Variants in TMC7 observed in about 807,000 individuals in gnomAD.
The protein encoded by TMC7 is transmembrane channel like 7.
A neutral mutation model predicts 82.9 loss-of-function variants in TMC7; 54 were observed. The ratio of observed to expected loss-of-function variants is 0.65; its 90% CI spans 0.52 to 0.82. The LOEUF (loss-of-function observed/expected upper bound fraction) is 0.82. TMC7 is among the 40% of genes least tolerant of loss of function. TMC7 has a pLI of 0.00. For missense variants in TMC7, 820 were observed against 901.2 expected (o/e 0.91, Z 1.15); for synonymous variants, 350 against 337.9 (o/e 1.04, Z -0.39).
At chr16:19,043,366 G>T (rs1455935391) in intron 9 of TMC7, among the ~76,000 whole-genome samples, 1 of 152,092 alleles carries the variant, frequency 6.6e-6, no homozygotes, top group Non-Finnish European at 1.5e-5. Context: ...GAATTAGGAG[G>T]TCCCAGCTTT....
rs185562494 is a variant in TMC7 at position 19,058,984 on chromosome 16, T to A, written c.2028-432T>A. ...CCTTTGCCTCTTGGGTTCAAGGGAT[T>A]CTCCTGTCTCAGCCTCCTGAGTAGC... On this transcript the variant is annotated intron_variant, in intron 14 of 15. Transcript: ENST00000304381. Among the ~76,000 whole-genome samples, 526 of 152,290 alleles carry A rather than the reference T, an allele frequency of 3.5e-3. 1 individual carries two copies. The highest frequency in any genetic ancestry group is 5.1e-3 in the Non-Finnish European group (350 of 68,010).
intron 9 of TMC7, 62 bp downstream of exon 9, chr16:19,040,508 C>T (rs570742136): frequency 1.3e-4 from 188 of 1,470,922 alleles, no homozygotes; most frequent in Non-Finnish European, 1.6e-4. Flanking sequence ...CACTCTCTTG[C>T]CCATGGCAGA....
intron 5 of TMC7, among the ~76,000 whole-genome samples, chr16:19,026,586 GT>G (rs1232462947): frequency 2.0e-5 from 3 of 151,800 alleles, no homozygotes; most frequent in Non-Finnish European, 4.4e-5. Context: ...AAAAAAAAAA[GT>G]TTCTTCGCAC....
At position 19,059,829 on chromosome 16, in the gene TMC7, T is replaced by G. The variant is rs113394506; in HGVS notation, c.2106+335T>G. 7.9e-3 allele frequency: 5,161 copies of G among 652,120 alleles called. 41 individuals are homozygous for G. Among genetic ancestry groups the G allele is most frequent in the Middle Eastern group, 0.032 (70 of 2,174 alleles). The allele number at this position is 652,120 out of a possible 1,614,324, so 40.4% of individuals were successfully genotyped here. ...CCGTCTCTACTAAAAATACAAAAAGTAGTTGGGCGTGGTGGTGGGCACCTG... is the reference window on the plus strand; with the variant it reads ...CCGTCTCTACTAAAAATACAAAAAGGAGTTGGGCGTGGTGGTGGGCACCTG... On this transcript the variant is annotated intron_variant, in intron 15 of 15. Transcript: ENST00000304381.
At chr16:19,059,923 G>A in intron 15 of TMC7, 1 of 420,830 alleles carries the variant, frequency 2.4e-6, no homozygotes, top group Non-Finnish European at 4.5e-6. Context: ...GTCGCAGTGA[G>A]CTGAGATTGC....
chr16:19,028,129 C>G (rs1055895236), intron 5 of TMC7, among the ~76,000 whole-genome samples: 4 of 152,108 alleles, frequency 2.6e-5, no homozygotes, highest in South Asian at 2.1e-4. Context: ...TAGGGAACCT[C>G]TATGTATTAT....
chr16:19,016,437 G>A lies in TMC7; in HGVS notation c.312-13G>A, dbSNP rs1273124500. On this transcript the variant is annotated splice_polypyrimidine_tract_variant and intron_variant, in intron 2 of 15. Coordinates refer to ENST00000304381, the MANE Select transcript of TMC7 (RefSeq NM_024847.4). ...CTGTTGTTGTCATTGTCATGATCAT[G>A]TTTTCCATGCAGGGACATTCAAGAG... 1.2e-6 allele frequency: 2 copies of A among 1,613,766 alleles called. No homozygotes were observed. The highest frequency in any genetic ancestry group is 1.1e-5 in the South Asian group (1 of 91,084).
At chr16:19,024,395 T>G (rs1214297789) in intron 5 of TMC7, among the ~76,000 whole-genome samples, 1 of 152,190 alleles carries the variant, frequency 6.6e-6, no homozygotes, top group Non-Finnish European at 1.5e-5. Flanking sequence ...CACTTCAGCC[T>G]GGGCAACAGA....
intron 1 of TMC7, among the ~76,000 whole-genome samples, chr16:18,998,526 G>A (rs1413192365): frequency 2.6e-5 from 4 of 151,912 alleles, no homozygotes; most frequent in Non-Finnish European, 5.9e-5. Context: ...AGGCTGAGGC[G>A]GGTGGATCAC....
At chr16:18,984,761 C>T (rs781381215) in intron 1 of TMC7, among the ~76,000 whole-genome samples, 16 of 152,124 alleles carry the variant, frequency 1.1e-4, no homozygotes, top group Non-Finnish European at 1.9e-4. Flanking sequence ...GGTAGAATTA[C>T]AGTAAAGTAT....
chr16:19,058,008 A>T (rs904814520), intron 14 of TMC7, among the ~76,000 whole-genome samples: 11 of 151,384 alleles, frequency 7.3e-5, no homozygotes, highest in Admixed American at 1.3e-4. Flanking sequence ...CTTGAGCTTA[A>T]GTGGTCCTCC....
chr16:19,051,659 A>C (rs1226677884), intron 12 of TMC7, 27 bp from the exon 13 acceptor site: 1 of 1,611,306 alleles, frequency 6.2e-7, no homozygotes, highest in African/African-American at 1.3e-5. Context: ...TATTGATCTT[A>C]ATTTTTCTTT....
intron 3 of TMC7, among the ~76,000 whole-genome samples, chr16:19,020,964 T>C (rs1188022091): frequency 6.6e-6 from 1 of 152,098 alleles, no homozygotes; most frequent in Non-Finnish European, 1.5e-5. Flanking sequence ...AATAGTATTA[T>C]TGAGAAAAAC....
intron 2 of TMC7, among the ~76,000 whole-genome samples, chr16:19,011,575 G>C (rs1270284197): frequency 1.3e-5 from 2 of 151,256 alleles, no homozygotes. Context: ...AAATTAGCTG[G>C]GTGTGGTGAT....
chr16:19,011,262 C>T (rs147362366), intron 2 of TMC7, among the ~76,000 whole-genome samples: 94 of 152,196 alleles, frequency 6.2e-4, no homozygotes, highest in African/African-American at 2.3e-3. Context: ...TGCCATCTCC[C>T]CCATTCTTGA....
chr16:19,035,418 C>G (rs537052682), intron 6 of TMC7, among the ~76,000 whole-genome samples: 5 of 152,226 alleles, frequency 3.3e-5, no homozygotes, highest in African/African-American at 1.2e-4. Context: ...ACTCCTGAAT[C>G]TAAAATAAAA....
At position 19,021,764 on chromosome 16, in the gene TMC7, GC is replaced by G. The variant is rs1959987715; in HGVS notation, c.597del (p.Ser199ArgfsTer20). ...VLLTKYKITN[S>X]SFVLIPFKDM... ...CTCACGAAATACAAGATCACCAACA[GC>G]AGCTTCGTGCTCATTCCTTTCAAAG... On this transcript the variant is annotated frameshift_variant, in exon 4 of 16. Coordinates refer to ENST00000304381, the MANE Select transcript of TMC7 (RefSeq NM_024847.4). LOFTEE classifies it high-confidence loss of function. The G allele has an allele frequency of 6.2e-7, 1 of 1,614,142 alleles. No individual in the cohort carries two copies. Among genetic ancestry groups the G allele is most frequent in the East Asian group, 2.2e-5 (1 of 44,882 alleles).
intron 14 of TMC7, among the ~76,000 whole-genome samples, chr16:19,057,183 C>G (rs1233420574): frequency 6.6e-6 from 1 of 152,084 alleles, no homozygotes; most frequent in African/African-American, 2.4e-5. Context: ...ATAATAGTCA[C>G]TCTTTCAGAG....
intron 15 of TMC7, 170 bp downstream of exon 15, chr16:19,059,664 GA>G: frequency 6.5e-7 from 1 of 1,542,164 alleles, no homozygotes; most frequent in Non-Finnish European, 8.7e-7. Flanking sequence ...TTAATTCACT[GA>G]TTCATCCATT....
Sources: allele counts gnomAD v4.1 joint callset (sites outside exome capture counted in the v4.1 genomes callset), GRCh38; gene constraint gnomAD v4.1.1; transcripts MANE v1.5; gene names NCBI Gene and HGNC (gene_info 2026-07-23, HGNC 2026-07-21).